Variants in RNASET2 observed in about 807,000 individuals in gnomAD.
RNASET2 encodes the protein ribonuclease T2.
A neutral mutation model predicts 33.9 loss-of-function variants in RNASET2; 28 were observed. The observed-to-expected ratio is 0.83, with a 90% CI of 0.61 to 1.13. The LOEUF (loss-of-function observed/expected upper bound fraction) is 1.13, where lower values mean the gene tolerates loss of function less well. RNASET2 is among the 50% of genes most tolerant of loss of function. The probability of loss-of-function intolerance (pLI) is 0.00; values close to 1 mark genes in which losing one functional copy is unlikely to be tolerated. For missense variants in RNASET2, 330 were observed against 319.9 expected, an observed-to-expected ratio of 1.03 and a Z score of -0.24; for synonymous variants, 123 against 121.0, an observed-to-expected ratio of 1.02 and a Z score of -0.11.
At position 166,955,205 on chromosome 6, in the gene RNASET2, A is replaced by G. The variant is rs546614800; in HGVS notation, c.86+892T>C. Among the ~76,000 whole-genome samples the G allele has an allele frequency of 4.9e-4, 55 of 111,172 alleles. 1 individual carries two copies. Among genetic ancestry groups the G allele is most frequent in the South Asian group, 3.5e-3 (10 of 2,882 alleles). The allele number at this position is 111,172 out of a possible 152,430, so 72.9% of individuals were successfully genotyped here. A position where few individuals can be genotyped will look rare whatever the true frequency, so the allele number is the denominator to read the frequency against. On this transcript the variant is annotated intron_variant, in intron 1 of 8. Transcript: ENST00000508775. ...CACACACACGCACACACGCACGCAC[A>G]CACGCACGCACACACGCGCACACAC...
chr6:166,937,871 C>T (rs1778605169), intron 6 of RNASET2, among the ~76,000 whole-genome samples: 1 of 152,162 alleles, frequency 6.6e-6, no homozygotes, highest in African/African-American at 2.4e-5. Flanking sequence ...CCGTGCCAAG[C>T]CCCTCTTCTA....
In RNASET2 at chr6:166,922,696, C is replaced by T. The variant is rs537223157; in HGVS notation, c.*6892G>A. Among the ~76,000 whole-genome samples, 3 of 152,286 alleles carry T rather than the reference C, an allele frequency of 2.0e-5. No individual in the cohort carries two copies. The highest frequency in any genetic ancestry group is 3.9e-4 in the East Asian group (2 of 5,188). On this transcript the variant is annotated 3_prime_UTR_variant, in exon 9 of 9. Coordinates refer to ENST00000508775, the MANE Select transcript of RNASET2 (RefSeq NM_003730.6). ...TTTGATGTATGTTGTTATCTTTGGG[C>T]CACTGCTGACTATCTTTTCTCAATT...
rs1007715975 is a variant in RNASET2, at chr6:166,929,303, T to A, written c.*285A>T. 4.6e-5 allele frequency among the ~76,000 whole-genome samples: 7 copies of A among 151,754 alleles called. No individual in the cohort carries two copies. Among genetic ancestry groups the A allele is most frequent in the Admixed American group, 2.6e-4 (4 of 15,244 alleles). ...CGGTGCCATCTGTCTAAATTCCAAG[T>A]ATGCCTGCCTGATCTACCAGGGCAC... On this transcript the variant is annotated 3_prime_UTR_variant, in exon 9 of 9. Coordinates refer to ENST00000508775, the MANE Select transcript of RNASET2 (RefSeq NM_003730.6).
intron 1 of RNASET2, chr6:166,955,349 ACG>A (rs1363979728): frequency 0.012 from 1,459 of 124,946 alleles, 70 homozygotes; most frequent in African/African-American, 0.092. Flanking sequence ...ACGCACACGC[ACG>A]CACACACACA....
intron 6 of RNASET2, chr6:166,935,076 T>C (rs1181810023): frequency 1.3e-5 from 2 of 152,164 alleles, no homozygotes; most frequent in Middle Eastern, 3.2e-3. Flanking sequence ...TGTCAGACTG[T>C]CTTGGCCACA....
chr6:166,947,227 C>T lies in RNASET2; in HGVS notation c.204-488G>A, dbSNP rs143354387. Reference sequence around the variant, plus strand: ...ATAAAACATGTCAGAAAGTGCCTGGCGTATGGCAGAAGATCAGCTAGTAGG... The same window carrying T: ...ATAAAACATGTCAGAAAGTGCCTGGTGTATGGCAGAAGATCAGCTAGTAGG... On this transcript the variant is annotated intron_variant, in intron 3 of 8. Coordinates refer to ENST00000508775, the MANE Select transcript of RNASET2 (RefSeq NM_003730.6). 3.8e-3 allele frequency among the ~76,000 whole-genome samples: 584 copies of T among 152,318 alleles called. 6 individuals are homozygous for T. The highest frequency in any genetic ancestry group is 0.014 in the African/African-American group (568 of 41,564).
intron 7 of RNASET2, 147 bp from the exon 8 acceptor site, chr6:166,931,265 C>T (rs544851080): frequency 1.2e-5 from 8 of 691,626 alleles, no homozygotes; most frequent in East Asian, 2.6e-5. Flanking sequence ...GAATGATGCC[C>T]CCACCTCCAC....
chr6:166,955,930 A>T (rs1368432658), intron 1 of RNASET2, among the ~76,000 whole-genome samples, 167 bp downstream of exon 1: 1 of 131,058 alleles, frequency 7.6e-6, no homozygotes, highest in Non-Finnish European at 1.7e-5. Context: ...TCAACTTCCC[A>T]ACTTCTTCCC....
chr6:166,937,791 G>A (rs1224790910), intron 6 of RNASET2, among the ~76,000 whole-genome samples: 2 of 152,176 alleles, frequency 1.3e-5, no homozygotes, highest in South Asian at 2.1e-4. Context: ...AATGCCACGC[G>A]CTCTGGGAGG....
Position 166,925,829 on chromosome 6 carries a change from C to T in RNASET2, c.*3759G>A, listed in dbSNP as rs531740716. Reference sequence around the variant, plus strand: ...AGCACTCCAGGCCACCCAAACTGCGCGGAGAATCCAGGCACAAGGAAGTGC... The same window carrying T: ...AGCACTCCAGGCCACCCAAACTGCGTGGAGAATCCAGGCACAAGGAAGTGC... On this transcript the variant is annotated 3_prime_UTR_variant, in exon 9 of 9. Transcript: ENST00000508775. 7.3e-4 allele frequency among the ~76,000 whole-genome samples: 111 copies of T among 152,340 alleles called. No homozygotes were observed. Among genetic ancestry groups the T allele is most frequent in the African/African-American group, 2.5e-3 (103 of 41,582 alleles).
chr6:166,949,522 A>AAAAG (rs1778933715), intron 2 of RNASET2, among the ~76,000 whole-genome samples: 2 of 151,450 alleles, frequency 1.3e-5, no homozygotes, highest in Admixed American at 6.6e-5. Context: ...AAAAAAAAAA[A>AAAAG]AAAGAAAGAA....
At chr6:166,949,199 C>CAAAA (rs1169530046) in intron 2 of RNASET2, among the ~76,000 whole-genome samples, 2 of 52,316 alleles carry the variant, frequency 3.8e-5, no homozygotes, top group African/African-American at 8.2e-5. Flanking sequence ...ACCGTGTCTC[C>CAAAA]AAAAAAAAAA....
intron 8 of RNASET2, among the ~76,000 whole-genome samples, chr6:166,930,805 TACACACACATGC>T (rs913845206): frequency 2.8e-5 from 4 of 141,988 alleles, no homozygotes; most frequent in African/African-American, 1.1e-4. Context: ...CACATGCATG[TACACACACATGC>T]ACACATAGCA....
chr6:166,936,349 T>TTGTG lies in RNASET2; in HGVS notation c.447-2214_447-2213insCACA, dbSNP rs1184501779. Reference sequence around the variant, plus strand: ...TCCAGGACTTAGAGTTTTGCATGTGTCGTGTGTGTGTGTGTGTGTGTGTGT... The same window carrying TTGTG: ...TCCAGGACTTAGAGTTTTGCATGTGTTGTGCGTGTGTGTGTGTGTGTGTGTGTGT... On this transcript the variant is annotated intron_variant, in intron 6 of 8. Coordinates refer to ENST00000508775, the MANE Select transcript of RNASET2 (RefSeq NM_003730.6). Among the ~76,000 whole-genome samples the TTGTG allele has an allele frequency of 1.8e-3, 104 of 57,246 alleles. 1 individual carries two copies. The highest frequency in any genetic ancestry group is 7.1e-3 in the African/African-American group (100 of 13,998). 37.6% of individuals were successfully genotyped at this position (57,246 alleles called of 152,430 possible).
chr6:166,941,437 A>G (rs1363466683), intron 5 of RNASET2, among the ~76,000 whole-genome samples: 2 of 152,248 alleles, frequency 1.3e-5, no homozygotes, highest in Non-Finnish European at 2.9e-5. Flanking sequence ...CATCTGAAGT[A>G]CACTGTGAAG....
intron 5 of RNASET2, among the ~76,000 whole-genome samples, chr6:166,940,875 C>T (rs1241747589): frequency 2.6e-5 from 4 of 152,098 alleles, no homozygotes; most frequent in African/African-American, 9.7e-5. Context: ...CAGGCTCACC[C>T]ACCCACTGTC....
At chr6:166,955,354 C>G (rs1425144336) in intron 1 of RNASET2, 1 of 174,940 alleles carries the variant, frequency 5.7e-6, no homozygotes, top group Non-Finnish European at 7.3e-6. Flanking sequence ...CACGCACGCA[C>G]ACACACACGC....
At chr6:166,948,317 G>A (rs1272501505) in intron 3 of RNASET2, 13 of 536,518 alleles carry the variant, frequency 2.4e-5, no homozygotes, top group Non-Finnish European at 4.4e-5. Context: ...CTGCACTTCA[G>A]CCTAGGCAAC....
At position 166,922,338 on chromosome 6, in the gene RNASET2, C is replaced by T. The variant is rs1778248271; in HGVS notation, c.*7250G>A. On this transcript the variant is annotated 3_prime_UTR_variant, in exon 9 of 9. Coordinates refer to ENST00000508775, the MANE Select transcript of RNASET2 (RefSeq NM_003730.6). ...TTGGTGTTTGCCTGATAATATCTTA[C>T]ACCTCATCTCTCATCATCAGCAAGT... Among the ~76,000 whole-genome samples the T allele has an allele frequency of 6.6e-6, 1 of 152,140 alleles. No homozygotes were observed. The highest frequency in any genetic ancestry group is 2.1e-4 in the South Asian group (1 of 4,822).
Sources: allele counts gnomAD v4.1 joint callset (sites outside exome capture counted in the v4.1 genomes callset), GRCh38; gene constraint gnomAD v4.1.1; transcripts MANE v1.5; gene names NCBI Gene and HGNC (gene_info 2026-07-23, HGNC 2026-07-21).